Variants in SPECC1L observed in about 807,000 individuals in gnomAD.
SPECC1L encodes sperm antigen with calponin homology and coiled-coil domains 1 like.
SPECC1L carries 40 observed loss-of-function variants against 116.8 expected under a neutral mutation model. The ratio of observed to expected loss-of-function variants is 0.34; its 90% CI spans 0.27 to 0.45. The LOEUF (loss-of-function observed/expected upper bound fraction) is 0.45. SPECC1L is among the 20% of genes least tolerant of loss of function. The pLI is 1.00. For missense variants in SPECC1L, 1,110 were observed against 1,373.6 expected (o/e 0.81, Z 3.03); for synonymous variants, 504 against 500.6 (o/e 1.01, Z -0.09).
chr22:24,334,358 TG>T, intron 8 of SPECC1L, 51 bp from the exon 9 acceptor site: 1 of 1,588,770 alleles, frequency 6.3e-7, no homozygotes, highest in Non-Finnish European at 8.6e-7. Context: ...GGGGAAAATG[TG>T]TATGTTCTAG....
intron 1 of SPECC1L, among the ~76,000 whole-genome samples, chr22:24,275,015 G>C (rs1290954717): frequency 6.6e-6 from 1 of 152,084 alleles, no homozygotes; most frequent in African/African-American, 2.4e-5. Context: ...CATGTCCCTT[G>C]TTTTCCTCCG....
chr22:24,398,338 G>A (rs898857724), intron 14 of SPECC1L, among the ~76,000 whole-genome samples: 2 of 152,172 alleles, frequency 1.3e-5, no homozygotes, highest in Non-Finnish European at 2.9e-5. Context: ...TATGAGAAGA[G>A]TGAGACTCAT....
intron 1 of SPECC1L, among the ~76,000 whole-genome samples, chr22:24,272,905 A>G (rs1848326171): frequency 1.3e-5 from 2 of 152,110 alleles, no homozygotes; most frequent in South Asian, 4.2e-4. Flanking sequence ...ATGCTTCCTA[A>G]TGGTTGCAGG....
At chr22:24,377,628 T>C (rs546774086) in intron 14 of SPECC1L, among the ~76,000 whole-genome samples, 30 of 152,356 alleles carry the variant, frequency 2.0e-4, no homozygotes, top group African/African-American at 7.0e-4. Flanking sequence ...CCATAGTTTA[T>C]TGAACATTTT....
intron 11 of SPECC1L, among the ~76,000 whole-genome samples, chr22:24,361,890 G>A (rs955049250): frequency 6.6e-6 from 1 of 151,912 alleles, no homozygotes; most frequent in African/African-American, 2.4e-5. Context: ...GGAAAAAGAA[G>A]AAAAAAGAAG....
In SPECC1L at chr22:24,321,542, C is replaced by T. The variant is rs56168869; in HGVS notation, c.562C>T (p.Leu188Phe). ...TGCTTTGGAGGCCAAAGTGAAGGAT[C>T]TTCTCACGCTGGCAAAAACCAAAGA... ...RAALEAKVKD[L>F]LTLAKTKDVE... The change falls in exon 5 of 17, where the codon CTT (leucine) becomes TTT (phenylalanine). Residue 188 changes from leucine to phenylalanine, a missense_variant. Leu to Phe is a conservative substitution (Grantham distance 22, BLOSUM62 0). This residue lies in a region of SPECC1L where 437 missense variants were observed against 482.6 expected (regional missense o/e 0.91). Transcript: ENST00000314328. The T allele has an allele frequency of 6.5e-3, 10,549 of 1,614,182 alleles. 71 individuals carry two copies. The highest frequency in any genetic ancestry group is 0.014 in the Middle Eastern group (82 of 6,062).
chr22:24,309,740 T>A (rs1030845400), intron 3 of SPECC1L, among the ~76,000 whole-genome samples: 2 of 152,174 alleles, frequency 1.3e-5, no homozygotes, highest in Non-Finnish European at 1.5e-5. Context: ...GGCTTGAGAG[T>A]TTGAGGATTT....
chr22:24,378,478 A>G (rs1387760902), intron 14 of SPECC1L, among the ~76,000 whole-genome samples: 1 of 152,244 alleles, frequency 6.6e-6, no homozygotes, highest in Non-Finnish European at 1.5e-5. Context: ...TGCATTCACA[A>G]CTTGGCTAAC....
At chr22:24,324,551 G>T in intron 6 of SPECC1L, 124 bp downstream of exon 6, 1 of 929,174 alleles carries the variant, frequency 1.1e-6, no homozygotes, top group Non-Finnish European at 1.7e-6. Flanking sequence ...AGCACTTTGG[G>T]AGTTCAAAAC....
In SPECC1L at chr22:24,321,598, G is replaced by A. The variant is rs1275912386; in HGVS notation, c.618G>A (p.Leu206=). The A allele has an allele frequency of 6.2e-7, 1 of 1,614,228 alleles. No individual in the cohort carries two copies. The highest frequency in any genetic ancestry group is 1.1e-5 in the South Asian group (1 of 91,090). The stretch of plus-strand genomic sequence containing the variant: ...AAATTTTACATTTGAGAAATGAACT[G>A]CGAGACATGCGTGCCCAGCTGGGCA... ...DVEILHLRNE[L]RDMRAQLGIN... The change falls in exon 5 of 17, where the codon CTG becomes CTA. Residue 206 remains leucine, a synonymous_variant. Coordinates refer to ENST00000314328, the MANE Select transcript of SPECC1L (RefSeq NM_015330.6).
intron 14 of SPECC1L, among the ~76,000 whole-genome samples, chr22:24,369,915 AAAT>A (rs2041840925): frequency 6.6e-6 from 1 of 152,250 alleles, no homozygotes; most frequent in Admixed American, 6.5e-5. Context: ...TTCTGCTAAA[AAAT>A]ACAATTTTGA....
At chr22:24,325,575 A>T (rs1447334624) in intron 6 of SPECC1L, among the ~76,000 whole-genome samples, 1 of 143,028 alleles carries the variant, frequency 7.0e-6, no homozygotes, top group Non-Finnish European at 1.5e-5. Context: ...TTATTTATTT[A>T]TTTATAAGAG....
chr22:24,318,452 G>A, intron 4 of SPECC1L, among the ~76,000 whole-genome samples: 1 of 152,226 alleles, frequency 6.6e-6, no homozygotes, highest in Non-Finnish European at 1.5e-5. Context: ...GGAGGTTGCA[G>A]TGAGCCGAGA....
chr22:24,371,826 A>G (rs536685060), intron 14 of SPECC1L, among the ~76,000 whole-genome samples: 2 of 152,252 alleles, frequency 1.3e-5, no homozygotes, highest in Middle Eastern at 3.4e-3. Context: ...GGCTCAAGTG[A>G]TTCTTCTGCC....
chr22:24,414,607 A>G lies in SPECC1L; in HGVS notation c.3338A>G (p.Lys1113Arg). ...ATGCTGTATGTGACGGCGATCTACA[A>G]GTACTTTGAGACCTGAGCATGCCGG... ...NVMLYVTAIY[K>R]YFET Residue 1113 changes from lysine to arginine, a missense_variant, in exon 17 of 17, where the codon AAG becomes AGG. Coordinates refer to ENST00000314328, the MANE Select transcript of SPECC1L (RefSeq NM_015330.6). 2 of 1,613,970 alleles carry G rather than the reference A, an allele frequency of 1.2e-6. No individual in the cohort carries two copies. The highest frequency in any genetic ancestry group is 1.7e-6 in the Non-Finnish European group (2 of 1,179,986).
chr22:24,359,576 C>T (rs1293864888), intron 11 of SPECC1L, among the ~76,000 whole-genome samples: 2 of 152,004 alleles, frequency 1.3e-5, no homozygotes, highest in Non-Finnish European at 2.9e-5. Context: ...CATTGGCTCC[C>T]CTTTGCCAAC....
rs1394677462 is a variant in SPECC1L at position 24,347,117 on chromosome 22, C to G, written c.2684C>G (p.Ser895Cys). The G allele has an allele frequency of 3.1e-6, 5 of 1,613,922 alleles. No homozygotes were observed. Among genetic ancestry groups the G allele is most frequent in the Non-Finnish European group, 4.2e-6 (5 of 1,179,946 alleles). Residue 895 changes from serine to cysteine, a missense_variant, in exon 11 of 17, where the codon TCC (serine) becomes TGC (cysteine). Transcript: ENST00000314328. The part of the protein sequence containing the change: ...RHSISGPIST[S>C]KPLTALSDKR... ...TCCATAAGTGGACCAATCTCAACAT[C>G]CAAACCCCTGACAGCCCTGTCAGAT...
intron 10 of SPECC1L, among the ~76,000 whole-genome samples, chr22:24,338,798 A>T (rs530265897): frequency 5.9e-5 from 9 of 152,130 alleles, no homozygotes; most frequent in Non-Finnish European, 1.2e-4. Flanking sequence ...TACTGTTCTT[A>T]TCTGTATTTT....
At chr22:24,309,893 A>G (rs2040427601) in intron 3 of SPECC1L, among the ~76,000 whole-genome samples, 1 of 152,142 alleles carries the variant, frequency 6.6e-6, no homozygotes, top group Admixed American at 6.5e-5. Flanking sequence ...TATTTTCAGC[A>G]TATGAAACAC....
Sources: allele counts gnomAD v4.1 joint callset (sites outside exome capture counted in the v4.1 genomes callset), GRCh38; gene constraint gnomAD v4.1.1; regional missense constraint gnomAD v4.1.1; transcripts MANE v1.5; gene names NCBI Gene and HGNC (gene_info 2026-07-23, HGNC 2026-07-21).